SIDT1: variants seen among roughly 807,000 people sequenced by gnomAD.
SIDT1 encodes SID1 transmembrane family member 1.
In SIDT1, 101 loss-of-function variants were observed where a neutral mutation model predicts 107.5. That is an observed-to-expected ratio of 0.94 (90% CI 0.80 to 1.11). The LOEUF (loss-of-function observed/expected upper bound fraction) is 1.11, where lower values mean the gene tolerates loss of function less well. Among genes scored for constraint, SIDT1 ranks in the 50% least tolerant of loss-of-function variants. The pLI is 0.00. For synonymous variants in SIDT1, 395 were observed against 398.2 expected (o/e 0.99, Z 0.10); for missense variants, 1,076 against 1,058.2 (o/e 1.02, Z -0.23).
chr3:113,578,920 C>T (rs1467783280), intron 4 of SIDT1, among the ~76,000 whole-genome samples: 1 of 152,120 alleles, frequency 6.6e-6, no homozygotes, highest in Non-Finnish European at 1.5e-5. Flanking sequence ...TTAGAACAAA[C>T]TAATAAAACA....
chr3:113,550,705 C>A (rs980582333), intron 1 of SIDT1, among the ~76,000 whole-genome samples: 3 of 151,850 alleles, frequency 2.0e-5, no homozygotes, highest in Admixed American at 6.6e-5. Context: ...ATTCAAAAGA[C>A]CTTTAAAAAA....
intron 17 of SIDT1, 54 bp from the exon 18 acceptor site, chr3:113,610,954 T>G: frequency 6.3e-7 from 1 of 1,575,564 alleles, no homozygotes; most frequent in South Asian, 1.1e-5. Context: ...GAAAATATCA[T>G]CTGTCTGTCA....
chr3:113,545,203 A>G (rs906896336), intron 1 of SIDT1, among the ~76,000 whole-genome samples: 3 of 151,256 alleles, frequency 2.0e-5, no homozygotes, highest in African/African-American at 7.3e-5. Context: ...CCAAACTTTC[A>G]ACAACTAGTT....
intron 9 of SIDT1, chr3:113,592,763 T>G (rs769775862): frequency 2.4e-6 from 1 of 414,154 alleles, no homozygotes; most frequent in Non-Finnish European, 4.6e-6. Context: ...AATTTTTGTA[T>G]TTTTATTAGA....
chr3:113,605,823 G>A (rs1182595151), intron 14 of SIDT1, among the ~76,000 whole-genome samples: 3 of 151,978 alleles, frequency 2.0e-5, no homozygotes, highest in African/African-American at 7.3e-5. Flanking sequence ...GGGCAACATG[G>A]CGAAACCCTG....
rs374205464 is a variant in SIDT1 at position 113,567,620 on chromosome 3, A to G, written c.425A>G (p.Gln142Arg). 1.1e-5 allele frequency: 17 copies of G among 1,614,042 alleles called. No homozygotes were observed. Among genetic ancestry groups the G allele is most frequent in the Middle Eastern group, 3.3e-4 (2 of 6,084 alleles). ...SEATNETGPL[Q>R]QLIFVDVASM... ...GCAACCAATGAGACGGGACCCTTGC[A>G]GCAACTGATATTTGTAGATGTCGCA... The change falls in exon 3 of 25, where the codon CAG (glutamine) becomes CGG (arginine). Residue 142 changes from glutamine (Q) to arginine (R), a missense_variant. Gln to Arg is a conservative substitution (Grantham distance 43, BLOSUM62 1). Transcript: ENST00000264852.
intron 21 of SIDT1, among the ~76,000 whole-genome samples, chr3:113,621,448 GA>G (rs58509093): frequency 0.011 from 1,366 of 129,898 alleles, 38 homozygotes; most frequent in African/African-American, 0.035. Flanking sequence ...CAAAAAAAAA[GA>G]AAAAAAAAAA....
At chr3:113,581,511 C>A in intron 6 of SIDT1, 67 bp downstream of exon 6, 5 of 1,290,494 alleles carry the variant, frequency 3.9e-6, no homozygotes, top group Non-Finnish European at 4.5e-6. Context: ...ACTTACTGGG[C>A]CAGCATCCAA....
chr3:113,602,992 G>T lies in SIDT1; in HGVS notation c.1118-13G>T. 8 of 1,613,086 alleles carry T rather than the reference G, an allele frequency of 5.0e-6. No individual in the cohort carries two copies. Among genetic ancestry groups the T allele is most frequent in the Non-Finnish European group, 6.8e-6 (8 of 1,179,440 alleles). Reference sequence around the variant, plus strand: ...CACGGCTTTTGATGGCAGATGAGTTGTCTCTGTTTCAGATGAGTCAAGCTC... The same window carrying T: ...CACGGCTTTTGATGGCAGATGAGTTTTCTCTGTTTCAGATGAGTCAAGCTC... On this transcript the variant is annotated splice_polypyrimidine_tract_variant and intron_variant, in intron 11 of 24. Transcript: ENST00000264852.
chr3:113,614,897 T>A (rs576768000), intron 19 of SIDT1, among the ~76,000 whole-genome samples: 1 of 152,344 alleles, frequency 6.6e-6, no homozygotes, highest in South Asian at 2.1e-4. Context: ...AGCAGAAAGA[T>A]CCTATGTTCT....
intron 6 of SIDT1, among the ~76,000 whole-genome samples, chr3:113,582,279 G>A (rs891982658): frequency 6.6e-6 from 1 of 152,080 alleles, no homozygotes; most frequent in African/African-American, 2.4e-5. Context: ...CTGCTTTGGG[G>A]GAGGTACTTA....
Position 113,583,414 on chromosome 3 carries a change from G to T in SIDT1, c.753G>T (p.Lys251Asn). ...TKKAAITLQK[K>N]DFPGEQFFVV... is the part of the protein sequence containing the mutation. ...GGTTGTTATGTCTTATGCAGAAGAA[G>T]GATTTTCCAGGCGAGCAGTTCTTCG... The change falls in exon 7 of 25, where the codon AAG (lysine) becomes AAT (asparagine). Residue 251 changes from lysine (K) to asparagine (N), a missense_variant. By Grantham distance (94) the Lys-to-Asn change is moderately conservative. Coordinates refer to ENST00000264852, the MANE Select transcript of SIDT1 (RefSeq NM_017699.3). The T allele has an allele frequency of 6.3e-7, 1 of 1,597,898 alleles. No homozygotes were observed.
intron 23 of SIDT1, 94 bp from the exon 24 acceptor site, chr3:113,626,008 A>C: frequency 1.2e-6 from 1 of 839,208 alleles, no homozygotes; most frequent in Non-Finnish European, 2.1e-6. Context: ...CGAACCAGAC[A>C]TCTAGTAGCG....
intron 9 of SIDT1, among the ~76,000 whole-genome samples, chr3:113,586,236 AC>A (rs1943733998): frequency 6.6e-6 from 1 of 152,214 alleles, no homozygotes; most frequent in South Asian, 2.1e-4. Context: ...CAATTTGAAC[AC>A]CAAAATTATT....
intron 14 of SIDT1, among the ~76,000 whole-genome samples, chr3:113,605,929 G>A (rs1945296051): frequency 6.6e-6 from 1 of 151,648 alleles, no homozygotes; most frequent in Admixed American, 6.6e-5. Context: ...GCTTGAGCCT[G>A]TGGAGGTGTA....
At chr3:113,556,369 G>T (rs886371429) in intron 1 of SIDT1, among the ~76,000 whole-genome samples, 2 of 151,986 alleles carry the variant, frequency 1.3e-5, no homozygotes, top group African/African-American at 4.8e-5. Flanking sequence ...GGGATGAAAC[G>T]CTCCATATAA....
intron 4 of SIDT1, among the ~76,000 whole-genome samples, chr3:113,579,474 A>G (rs918641692): frequency 1.8e-4 from 27 of 152,208 alleles, no homozygotes; most frequent in Middle Eastern, 3.4e-3. Context: ...GCCCTGTATT[A>G]TATGTATTTG....
chr3:113,569,228 A>G (rs1410507524), intron 3 of SIDT1, among the ~76,000 whole-genome samples: 1 of 152,014 alleles, frequency 6.6e-6, no homozygotes, highest in Non-Finnish European at 1.5e-5. Flanking sequence ...AGGCAAAACT[A>G]TTCTGTGATG....
intron 9 of SIDT1, chr3:113,590,204 A>C (rs1944044690): frequency 6.6e-6 from 1 of 152,218 alleles, no homozygotes; most frequent in Non-Finnish European, 1.5e-5. Flanking sequence ...AACAAAAGCC[A>C]AAGCCCTCTG....
Sources: gnomAD v4.1 joint callset for allele counts (sites outside exome capture counted in the v4.1 genomes callset) on GRCh38, gnomAD v4.1.1 for gene constraint, MANE v1.5 for transcripts, NCBI Gene and HGNC (gene_info 2026-07-23, HGNC 2026-07-21) for gene names.